SMC2: variants seen among roughly 807,000 people sequenced by gnomAD.
SMC2 encodes the protein structural maintenance of chromosomes 2.
A neutral mutation model predicts 142.6 loss-of-function variants in SMC2; 41 were observed. The ratio of observed to expected loss-of-function variants is 0.29; its 90% CI spans 0.22 to 0.37. The LOEUF is 0.37. Ranked by LOEUF, SMC2 falls within the 10% of genes least tolerant of loss-of-function variation. The pLI, the probability that SMC2 is intolerant of heterozygous loss-of-function variation, is 1.00. For synonymous variants in SMC2, 463 were observed against 457.5 expected (o/e 1.01, Z -0.15); for missense variants, 1,265 against 1,373.7 (o/e 0.92, Z 1.25).
In SMC2 at chr9:104,101,978, G is replaced by A. The variant is rs763050068; in HGVS notation, c.655G>A (p.Glu219Lys). 9 of 1,594,828 alleles carry A rather than the reference G, an allele frequency of 5.6e-6. No individual in the cohort carries two copies. The African/African-American group carries it at 9.5e-5, about 17-fold the overall frequency. Residue 219 changes from glutamate to lysine, a missense_variant, in exon 8 of 25, where the codon GAG becomes AAG. Physicochemically the swap from Glu to Lys is moderately conservative, Grantham distance 56. Coordinates refer to ENST00000374793, the MANE Select transcript of SMC2 (RefSeq NM_006444.3). ...KLKEERSSYL[E>K]YQKVMREIEH... Reference sequence around the variant, plus strand: ...CTTTCAGGAAAGATCGTCCTACTTGGAGTACCAAAAAGTAATGAGAGAAAT... The same window carrying A: ...CTTTCAGGAAAGATCGTCCTACTTGAAGTACCAAAAAGTAATGAGAGAAAT...
At position 104,097,875 on chromosome 9, in the gene SMC2, T is replaced by C. The variant is rs1014127807; in HGVS notation, c.319-571T>C. Reference sequence around the variant, plus strand: ...GAAACAGAGCTTGTCTTTAAGGACTTCAATCTGGTAGATGAGACAATCATA... The same window carrying C: ...GAAACAGAGCTTGTCTTTAAGGACTCCAATCTGGTAGATGAGACAATCATA... On this transcript the variant is annotated intron_variant, in intron 3 of 24. Transcript: ENST00000374793. Among the ~76,000 whole-genome samples, 15 of 152,238 alleles carry C rather than the reference T, an allele frequency of 9.9e-5. 1 individual carries two copies. The highest frequency in any genetic ancestry group is 3.4e-4 in the African/African-American group (14 of 41,456).
In SMC2 at chr9:104,102,204, A is replaced by G; in HGVS notation, c.870+11A>G. On this transcript the variant is annotated intron_variant, in intron 8 of 24. Transcript: ENST00000374793. ...AAAAGAAAAGATAAGGTCTGAACAT[A>G]TGTATAAGAATCGATAATATACTCT... 1 of 1,423,414 alleles carries G rather than the reference A, an allele frequency of 7.0e-7. No homozygotes were observed. Among genetic ancestry groups the G allele is most frequent in the Non-Finnish European group, 9.7e-7 (1 of 1,028,536 alleles). The allele number at this position is 1,423,414 out of a possible 1,614,324, so 88.2% of individuals were successfully genotyped here. A position where few individuals can be genotyped will look rare whatever the true frequency, so the allele number is the denominator to read the frequency against.
At position 104,096,225 on chromosome 9, in the gene SMC2, T is replaced by C. The variant is rs760411928; in HGVS notation, c.246T>C (p.Thr82=). The change falls in exon 3 of 25, where the codon ACT becomes ACC. Residue 82 remains threonine (T), a synonymous_variant. Transcript: ENST00000374793. ...AGITKASVSI[T]FDNSDKKQSP... is the part of the protein sequence containing the mutation. ...TTACCAAAGCCTCTGTGTCAATCAC[T>C]TTTGATAATTCTGACAAAAAGCAAA... is the stretch of plus-strand genomic sequence containing the variant. The C allele has an allele frequency of 1.9e-6, 3 of 1,614,036 alleles. No homozygotes were observed. The South Asian group carries it at 3.3e-5, about 18-fold the overall frequency.
intron 15 of SMC2, among the ~76,000 whole-genome samples, chr9:104,119,721 C>T (rs555854625): frequency 6.6e-6 from 1 of 152,146 alleles, no homozygotes; most frequent in African/African-American, 2.4e-5. Flanking sequence ...AGAAGAGACA[C>T]ATTTCCCCAT....
chr9:104,136,658 G>A (rs1206257737), intron 23 of SMC2, among the ~76,000 whole-genome samples: 1 of 150,946 alleles, frequency 6.6e-6, no homozygotes, highest in African/African-American at 2.4e-5. Flanking sequence ...GAAAGACAAA[G>A]AAACATAATT....
intron 22 of SMC2, 136 bp from the exon 23 acceptor site, chr9:104,134,279 A>G (rs1043432718): frequency 3.8e-6 from 2 of 528,150 alleles, no homozygotes; most frequent in Non-Finnish European, 6.4e-6. Context: ...GATTTTTCAC[A>G]TGGGCCATAG....
chr9:104,095,058 G>A (rs1354284653), intron 1 of SMC2, among the ~76,000 whole-genome samples: 1 of 152,146 alleles, frequency 6.6e-6, no homozygotes, highest in African/African-American at 2.4e-5. Flanking sequence ...TCTTTGTTTA[G>A]GTAGAGTATG....
At chr9:104,114,854 A>C in intron 13 of SMC2, 25 bp downstream of exon 13, 3 of 1,576,404 alleles carry the variant, frequency 1.9e-6, no homozygotes, top group Non-Finnish European at 1.7e-6. Flanking sequence ...ATTTTAAAAA[A>C]TTTAAAATTT....
chr9:104,120,956 G>A (rs1238826638), intron 16 of SMC2, among the ~76,000 whole-genome samples: 1 of 152,114 alleles, frequency 6.6e-6, no homozygotes, highest in Non-Finnish European at 1.5e-5. Flanking sequence ...CATGTTACTA[G>A]TTCTAAGAAG....
chr9:104,102,842 G>T (rs1192868890), intron 9 of SMC2, among the ~76,000 whole-genome samples: 1 of 152,138 alleles, frequency 6.6e-6, no homozygotes, highest in Admixed American at 6.5e-5. Flanking sequence ...CAGGGAAGGG[G>T]ATTAGGAGTG....
Position 104,127,297 on chromosome 9 carries a change from T to C in SMC2, c.2607T>C (p.Asn869=). ...AEVAKNKESV[N]KAQEEVTKQK... The stretch of plus-strand genomic sequence containing the variant: ...TTTTTTTGTTTTAGGAGTCAGTAAA[T>C]AAAGCTCAAGAAGAGGTGACCAAGC... The change falls in exon 20 of 25, where the codon AAT becomes AAC. Residue 869 remains asparagine, a synonymous_variant. Coordinates refer to ENST00000374793, the MANE Select transcript of SMC2 (RefSeq NM_006444.3). 1 of 1,576,584 alleles carries C rather than the reference T, an allele frequency of 6.3e-7. No homozygotes were observed. The highest frequency in any genetic ancestry group is 8.6e-7 in the Non-Finnish European group (1 of 1,161,742).
chr9:104,105,413 G>A (rs1217636627), intron 9 of SMC2, among the ~76,000 whole-genome samples: 7 of 152,102 alleles, frequency 4.6e-5, no homozygotes, highest in African/African-American at 1.4e-4. Flanking sequence ...GCCCTTGGAT[G>A]CACATAGCAC....
intron 3 of SMC2, among the ~76,000 whole-genome samples, chr9:104,097,119 G>GTTTTTTTTT (rs71501412): frequency 1.9e-5 from 2 of 104,118 alleles, no homozygotes; most frequent in Non-Finnish European, 4.0e-5. Flanking sequence ...GCTTGTCAAG[G>GTTTTTTTTT]TTTTTTTTTT....
At chr9:104,133,767 C>T (rs1447780251) in intron 22 of SMC2, among the ~76,000 whole-genome samples, 1 of 152,082 alleles carries the variant, frequency 6.6e-6, no homozygotes, top group East Asian at 1.9e-4. Flanking sequence ...GCTTTCTTTT[C>T]TCTTGGGATG....
In SMC2 at chr9:104,141,349, C is replaced by T. The variant is rs1315672610; in HGVS notation, c.*2034C>T. The T allele has an allele frequency of 6.6e-6, 1 of 152,090 alleles. No homozygotes were observed. The highest frequency in any genetic ancestry group is 1.5e-5 in the Non-Finnish European group (1 of 68,016). The allele number at this position is 152,090 out of a possible 1,614,324, so 9.4% of individuals were successfully genotyped here. ...GGACAAATCTTGTCAGTCTCCAGAACCTAAGATATACTACGTCACTGACAG... is the reference window on the plus strand; with the variant it reads ...GGACAAATCTTGTCAGTCTCCAGAATCTAAGATATACTACGTCACTGACAG... On this transcript the variant is annotated 3_prime_UTR_variant, in exon 25 of 25. Transcript: ENST00000374793.
In SMC2 at chr9:104,129,840, G is replaced by A; in HGVS notation, c.2986G>A (p.Glu996Lys). 1 of 1,611,968 alleles carries A rather than the reference G, an allele frequency of 6.2e-7. No homozygotes were observed. Among genetic ancestry groups the A allele is most frequent in the Non-Finnish European group, 8.5e-7 (1 of 1,178,502 alleles). ...TATGAATGTATTGACAGAAGCTGAAGAGCGAGTAAGTCAATTTCTTATGAA... is the reference window on the plus strand; with the variant it reads ...TATGAATGTATTGACAGAAGCTGAAAAGCGAGTAAGTCAATTTCTTATGAA... ...RAMNVLTEAEERYNDLMKKKR... is the reference protein window; with the variant it reads ...RAMNVLTEAEKRYNDLMKKKR... The change falls in exon 21 of 25, where the codon GAG becomes AAG. Residue 996 changes from glutamate (E) to lysine (K), a missense_variant. Coordinates refer to ENST00000374793, the MANE Select transcript of SMC2 (RefSeq NM_006444.3).
intron 15 of SMC2, among the ~76,000 whole-genome samples, chr9:104,118,857 C>T (rs1833413861): frequency 6.6e-6 from 1 of 152,142 alleles, no homozygotes; most frequent in African/African-American, 2.4e-5. Context: ...AGATATAGAA[C>T]ATGTCTATCA....
chr9:104,123,911 T>G (rs1833994328), intron 17 of SMC2, among the ~76,000 whole-genome samples: 1 of 152,234 alleles, frequency 6.6e-6, no homozygotes, highest in Non-Finnish European at 1.5e-5. Context: ...TAAATTTTTG[T>G]CATTCATTAG....
In SMC2 at chr9:104,116,234, T is replaced by C; in HGVS notation, c.1706T>C (p.Leu569Pro). 1 of 1,605,770 alleles carries C rather than the reference T, an allele frequency of 6.2e-7. No homozygotes were observed. The highest frequency in any genetic ancestry group is 8.5e-7 in the Non-Finnish European group (1 of 1,177,124). The change falls in exon 14 of 25, where the codon CTG (leucine) becomes CCG (proline). Residue 569 changes from leucine (L) to proline (P), a missense_variant. Physicochemically the swap from Leu to Pro is moderately conservative, Grantham distance 98. Coordinates refer to ENST00000374793, the MANE Select transcript of SMC2 (RefSeq NM_006444.3). ...AAAAAGCTACTAGAAAGGGGGGAAC[T>C]GAAACGTCGATACACTATAATTCCA... ...TGKKLLERGE[L>P]KRRYTIIPLN...
Sources: allele counts gnomAD v4.1 joint callset (sites outside exome capture counted in the v4.1 genomes callset), GRCh38; gene constraint gnomAD v4.1.1; transcripts MANE v1.5; gene names NCBI Gene and HGNC (gene_info 2026-07-23, HGNC 2026-07-21).